PSG5: variants seen among roughly 807,000 people sequenced by gnomAD.
PSG5 encodes the protein pregnancy-specific beta-1-glycoprotein 5.
In PSG5, 53 loss-of-function variants were observed where a neutral mutation model predicts 37.7. That is an observed-to-expected ratio of 1.41 (90% confidence interval 1.13 to 1.77). The LOEUF (loss-of-function observed/expected upper bound fraction) is 1.77. Ranked by LOEUF, PSG5 falls within the 40% of genes most tolerant of loss-of-function variation. The probability of loss-of-function intolerance (pLI) is 0.00; values close to 1 mark genes in which losing one functional copy is unlikely to be tolerated. For missense variants in PSG5, 547 were observed against 405.2 expected (o/e 1.35, Z -3.00); for synonymous variants, 221 against 155.4 (o/e 1.42, Z -3.14).
chr19:43,178,792 G>C, intron 2 of PSG5: 2 of 1,609,198 alleles, frequency 1.2e-6, no homozygotes. Context: ...CTCTGTACTT[G>C]GACCTGAGAG....
intron 4 of PSG5, among the ~76,000 whole-genome samples, chr19:43,172,952 G>T (rs1968934379): frequency 6.6e-6 from 1 of 151,594 alleles, no homozygotes; most frequent in African/African-American, 2.4e-5. Flanking sequence ...GAAGCTGGAG[G>T]ACTCACACTT....
rs776926392 is a variant in PSG5, at chr19:43,175,392, C to A, written c.787G>T (p.Ala263Ser). The change falls in exon 4 of 6, where the codon GCG (alanine) becomes TCG (serine). Residue 263 changes from alanine (A) to serine (S), a missense_variant. Transcript: ENST00000342951. ...TACTCTGCCGGTGGGTTAGATTCCG[C>A]GAAGCAGGACAAGTAGAGGTTTTCT... ...SGENLYLSCF[A>S]ESNPPAEYFW... 2.5e-6 allele frequency: 4 copies of A among 1,612,788 alleles called. No individual in the cohort carries two copies. Among genetic ancestry groups the A allele is most frequent in the East Asian group, 4.5e-5 (2 of 44,882 alleles).
In PSG5 at chr19:43,175,888, C is replaced by T. The variant is rs149130310; in HGVS notation, c.691G>A (p.Val231Ile). 1 of 1,612,508 alleles carries T rather than the reference C, an allele frequency of 6.2e-7. No individual in the cohort carries two copies. Among genetic ancestry groups the T allele is most frequent in the Admixed American group, 1.7e-5 (1 of 59,888 alleles). The change falls in exon 3 of 6, where the codon GTC (valine) becomes ATC (isoleucine). Residue 231 changes from valine to isoleucine, a missense_variant. Transcript: ENST00000342951. ...TACTCACAGAGGACATTCAGGGTGACTGGGTCACTGCGCATGCCACCATCT... is the reference window on the plus strand; with the variant it reads ...TACTCACAGAGGACATTCAGGGTGATTGGGTCACTGCGCATGCCACCATCT... ...DRDGGMRSDP[V>I]TLNVLYGPDL...
chr19:43,171,884 A>C (rs1052239823), intron 4 of PSG5, among the ~76,000 whole-genome samples: 8 of 150,216 alleles, frequency 5.3e-5, no homozygotes, highest in African/African-American at 1.5e-4. Flanking sequence ...AAGAAGGAGA[A>C]TTGCTTGAGC....
rs1969128536 is a variant in PSG5 at position 43,181,550 on chromosome 19, C to T, written c.430+3232G>A. Among the ~76,000 whole-genome samples, 3 of 151,758 alleles carry T rather than the reference C, an allele frequency of 2.0e-5. No individual in the cohort carries two copies. In the South Asian group the frequency reaches 6.2e-4, roughly 31 times the overall value. ...CTCAGCTCACTGCAAGCTCCACCTCCTGGGCTCACGGCATTCTCCTGGCTC... is the reference window on the plus strand; with the variant it reads ...CTCAGCTCACTGCAAGCTCCACCTCTTGGGCTCACGGCATTCTCCTGGCTC... On this transcript the variant is annotated intron_variant, in intron 2 of 5. Transcript: ENST00000342951.
In PSG5 at chr19:43,173,868, A is replaced by G. The variant is rs1173284707; in HGVS notation, c.964+1347T>C. Among the ~76,000 whole-genome samples, 9 of 151,640 alleles carry G rather than the reference A, an allele frequency of 5.9e-5. 1 individual carries two copies. The highest frequency in any genetic ancestry group is 7.4e-5 in the Non-Finnish European group (5 of 67,916). On this transcript the variant is annotated intron_variant, in intron 4 of 5. Transcript: ENST00000342951. ...TGATCCAGCAATTCCACTTCTGGAC[A>G]AACTCCCCATAGAAATGAAAAAAAA...
At chr19:43,182,708 T>TTTTTTTTTTTTTTTTTTTC (rs1969155299) in intron 2 of PSG5, among the ~76,000 whole-genome samples, 1 of 112,506 alleles carries the variant, frequency 8.9e-6, no homozygotes, top group African/African-American at 3.5e-5. Flanking sequence ...TTCAATAATT[T>TTTTTTTTTTTTTTTTTTTC]TTTTTTTTTT....
In PSG5 at chr19:43,170,146, G is replaced by T. The variant is rs1474394966; in HGVS notation, c.965-8C>A. The T allele has an allele frequency of 4.4e-6, 7 of 1,577,818 alleles. No individual in the cohort carries two copies. In the East Asian group the frequency reaches 1.1e-4, roughly 26 times the overall value. On this transcript the variant is annotated splice_polypyrimidine_tract_variant and splice_region_variant and intron_variant, in intron 4 of 5. Transcript: ENST00000342951. ...GTCCTATTCCTGAAGGAGCTGTCATGGAAAGAAAAGTAAAGAAGGAATGAA... is the reference window on the plus strand; with the variant it reads ...GTCCTATTCCTGAAGGAGCTGTCATTGAAAGAAAAGTAAAGAAGGAATGAA...
At chr19:43,176,829 C>G (rs1434517776) in intron 2 of PSG5, among the ~76,000 whole-genome samples, 1 of 150,656 alleles carries the variant, frequency 6.6e-6, no homozygotes, top group Non-Finnish European at 1.5e-5. Flanking sequence ...TAGAAGGAGT[C>G]AAGGGGACAG....
chr19:43,181,856 G>A (rs1969135379), intron 2 of PSG5, among the ~76,000 whole-genome samples: 1 of 151,708 alleles, frequency 6.6e-6, no homozygotes, highest in Non-Finnish European at 1.5e-5. Context: ...ATGCCTGACA[G>A]GAAGCCAGAA....
At chr19:43,183,661 C>G (rs1279473559) in intron 2 of PSG5, among the ~76,000 whole-genome samples, 4 of 151,448 alleles carry the variant, frequency 2.6e-5, no homozygotes, top group African/African-American at 7.3e-5. Context: ...GACTAATCAG[C>G]TGACCATTTG....
chr19:43,184,870 C>T lies in PSG5; in HGVS notation c.342G>A (p.Arg114=), dbSNP rs1966894282. 28 of 1,612,536 alleles carry T rather than the reference C, an allele frequency of 1.7e-5. No individual in the cohort carries two copies. Among genetic ancestry groups the T allele is most frequent in the Non-Finnish European group, 2.4e-5 (28 of 1,179,166 alleles). Residue 114 remains arginine, a synonymous_variant, in exon 2 of 6, where the codon CGG becomes CGA. Transcript: ENST00000342951. The stretch of plus-strand genomic sequence containing the variant: ...GTAAGGTGTAGGATCCTGCGTCTTC[C>T]CGGGTGACATTCTGGATCAGCAGGG... ...NASLLIQNVT[R]EDAGSYTLHI...
rs536765540 is a variant in PSG5 at position 43,174,575 on chromosome 19, T to C, written c.964+640A>G. On this transcript the variant is annotated intron_variant, in intron 4 of 5. Transcript: ENST00000342951. ...CAGGAGTCTTCCCTGAGGCTCCCTCTCTTCTTATTTCCCTGCAGCCTGGCC... is the reference window on the plus strand; with the variant it reads ...CAGGAGTCTTCCCTGAGGCTCCCTCCCTTCTTATTTCCCTGCAGCCTGGCC... 27 of 942,780 alleles carry C rather than the reference T, an allele frequency of 2.9e-5. 1 individual carries two copies. In the East Asian group the frequency reaches 2.5e-3, roughly 88 times the overall value. The allele number at this position is 942,780 out of a possible 1,614,324, so 58.4% of individuals were successfully genotyped here. A position where few individuals can be genotyped will look rare whatever the true frequency, so the allele number is the denominator to read the frequency against.
chr19:43,173,822 A>C (rs1003064474), intron 4 of PSG5, among the ~76,000 whole-genome samples: 1 of 151,626 alleles, frequency 6.6e-6, no homozygotes, highest in African/African-American at 2.4e-5. Flanking sequence ...TTCTCAAAAA[A>C]TTAAACAATA....
chr19:43,178,430 G>A (rs533004348), intron 2 of PSG5, among the ~76,000 whole-genome samples: 1 of 151,790 alleles, frequency 6.6e-6, no homozygotes, highest in Non-Finnish European at 1.5e-5. Context: ...GACTTCCCCT[G>A]TATGGTAATA....
chr19:43,179,252 C>G, intron 2 of PSG5: 1 of 1,374,648 alleles, frequency 7.3e-7, no homozygotes. Flanking sequence ...CACCTGTCAG[C>G]CCACCCAAGT....
At chr19:43,173,648 A>C (rs368309622) in intron 4 of PSG5, among the ~76,000 whole-genome samples, 1 of 151,584 alleles carries the variant, frequency 6.6e-6, no homozygotes, top group Non-Finnish European at 1.5e-5. Flanking sequence ...CAAAACCACA[A>C]TGTTACACCA....
Position 43,186,437 on chromosome 19 carries a change from A to C in PSG5, c.-32T>G. 6.2e-7 allele frequency: 1 copy of C among 1,610,548 alleles called. No individual in the cohort carries two copies. Among genetic ancestry groups the C allele is most frequent in the South Asian group, 1.1e-5 (1 of 90,916 alleles). On this transcript the variant is annotated 5_prime_UTR_variant, in exon 1 of 6. Coordinates refer to ENST00000342951, the MANE Select transcript of PSG5 (RefSeq NM_002781.4). ...TGCGCCTGCGTGTTCTCCTCTGTGG[A>C]GCTGAGCCTAGGATCCAGAAACTTC...
chr19:43,180,458 A>G (rs886705839), intron 2 of PSG5: 3 of 151,650 alleles, frequency 2.0e-5, no homozygotes, highest in Non-Finnish European at 4.4e-5. Flanking sequence ...TCTTTTTAAC[A>G]TCACATCAGT....
Sources: allele counts gnomAD v4.1 joint callset (sites outside exome capture counted in the v4.1 genomes callset), GRCh38; gene constraint gnomAD v4.1.1; transcripts MANE v1.5; gene names NCBI Gene and HGNC (gene_info 2026-07-23, HGNC 2026-07-21).